MBD5: variants seen among roughly 807,000 people sequenced by gnomAD.
MBD5 encodes the protein methyl-CpG binding domain protein 5.
Under a neutral mutation model 117.3 loss-of-function variants are expected in MBD5, and 13 were observed. That is an observed-to-expected ratio of 0.11 (90% CI 0.07 to 0.18). MBD5 has a LOEUF of 0.18. Among genes scored for constraint, MBD5 ranks in the 10% least tolerant of loss-of-function variants. The pLI, the probability that MBD5 is intolerant of heterozygous loss-of-function variation, is 1.00. For missense variants in MBD5, 1,879 were observed against 2,093.8 expected, an observed-to-expected ratio of 0.90 and a Z score of 2.00; for synonymous variants, 727 against 766.4, an observed-to-expected ratio of 0.95 and a Z score of 0.85.
chr2:148,328,131 G>T (rs10175369), intron 3 of MBD5, among the ~76,000 whole-genome samples: 41,032 of 151,446 alleles, frequency 0.27, 5,619 homozygotes, highest in African/African-American at 0.31. Flanking sequence ...CTGCTGGGGG[G>T]TGCCTCCTAG....
intron 1 of MBD5, among the ~76,000 whole-genome samples, chr2:148,053,311 T>A (rs1694771217): frequency 6.6e-6 from 1 of 152,170 alleles, no homozygotes; most frequent in African/African-American, 2.4e-5. Context: ...TAGCACTGTT[T>A]TTACAAAATA....
At chr2:148,337,483 T>C (rs889287592) in intron 3 of MBD5, among the ~76,000 whole-genome samples, 1 of 152,190 alleles carries the variant, frequency 6.6e-6, no homozygotes, top group African/African-American at 2.4e-5. Context: ...TAGAACAGTA[T>C]GCATAACCTG....
At chr2:148,205,918 A>T (rs1028874405) in intron 2 of MBD5, among the ~76,000 whole-genome samples, 6 of 152,064 alleles carry the variant, frequency 3.9e-5, no homozygotes, top group Non-Finnish European at 7.4e-5. Flanking sequence ...AGGTGGGAGG[A>T]TCACTTGAGC....
At chr2:148,365,499 T>G (rs1055659085) in intron 4 of MBD5, among the ~76,000 whole-genome samples, 1 of 151,790 alleles carries the variant, frequency 6.6e-6, no homozygotes, top group East Asian at 1.9e-4. Flanking sequence ...AGAGCAGAAC[T>G]GAAGGAGATG....
chr2:148,030,627 A>G (rs1474305572), intron 1 of MBD5, among the ~76,000 whole-genome samples: 1 of 152,230 alleles, frequency 6.6e-6, no homozygotes, highest in Non-Finnish European at 1.5e-5. Flanking sequence ...GTATACGGAA[A>G]GTATATATGT....
chr2:148,454,084 G>A (rs934457063), intron 4 of MBD5, among the ~76,000 whole-genome samples: 1 of 151,866 alleles, frequency 6.6e-6, no homozygotes, highest in African/African-American at 2.4e-5. Flanking sequence ...AATAAGTAAA[G>A]AAATTATATA....
At chr2:148,048,258 C>T (rs909224152) in intron 1 of MBD5, among the ~76,000 whole-genome samples, 1 of 152,116 alleles carries the variant, frequency 6.6e-6, no homozygotes, top group Non-Finnish European at 1.5e-5. Flanking sequence ...CTCAGTAGGA[C>T]TCGAGAAATG....
At chr2:148,062,238 T>C (rs1331052958) in intron 1 of MBD5, 2 of 151,764 alleles carry the variant, frequency 1.3e-5, no homozygotes, top group African/African-American at 4.8e-5. Context: ...GCTTTTTTTT[T>C]CTGTCAGAGG....
chr2:148,291,827 T>G (rs1029997572), intron 3 of MBD5, among the ~76,000 whole-genome samples: 2 of 152,136 alleles, frequency 1.3e-5, no homozygotes, highest in Non-Finnish European at 2.9e-5. Context: ...ACTACAGAGT[T>G]GTACTAACTG....
At chr2:148,165,905 C>A (rs1343451654) in intron 1 of MBD5, among the ~76,000 whole-genome samples, 3 of 152,068 alleles carry the variant, frequency 2.0e-5, no homozygotes, top group Non-Finnish European at 2.9e-5. Flanking sequence ...TTGGTTTAAA[C>A]ATTTGAATAG....
chr2:148,475,961 A>G (rs542645994), intron 8 of MBD5, among the ~76,000 whole-genome samples: 3 of 152,304 alleles, frequency 2.0e-5, no homozygotes, highest in African/African-American at 7.2e-5. Context: ...ATTATTTCTA[A>G]GCCTTATACT....
chr2:148,151,901 T>G (rs1157002949), intron 1 of MBD5, among the ~76,000 whole-genome samples: 1 of 152,150 alleles, frequency 6.6e-6, no homozygotes, highest in Non-Finnish European at 1.5e-5. Flanking sequence ...AGCTCCTGGA[T>G]TCATTAATTT....
At chr2:148,459,266 T>C (rs1706985299) in intron 5 of MBD5, among the ~76,000 whole-genome samples, 1 of 152,116 alleles carries the variant, frequency 6.6e-6, no homozygotes, top group African/African-American at 2.4e-5. Flanking sequence ...CATAGAAAGT[T>C]TCAATTATTA....
intron 1 of MBD5, among the ~76,000 whole-genome samples, chr2:148,163,091 T>C (rs1698046509): frequency 6.6e-6 from 1 of 152,242 alleles, no homozygotes; most frequent in African/African-American, 2.4e-5. Flanking sequence ...GATAATTCAG[T>C]ATACTTTTCT....
intron 12 of MBD5, among the ~76,000 whole-genome samples, chr2:148,506,540 A>T (rs1682038442): frequency 6.6e-6 from 1 of 152,250 alleles, no homozygotes; most frequent in Non-Finnish European, 1.5e-5. Flanking sequence ...TACATACTGT[A>T]TGAAGTGAGT....
At chr2:148,279,669 A>G (rs1701195672) in intron 3 of MBD5, among the ~76,000 whole-genome samples, 1 of 152,170 alleles carries the variant, frequency 6.6e-6, no homozygotes, top group South Asian at 2.1e-4. Flanking sequence ...TTAGCTCTAG[A>G]TGTATCTCAT....
chr2:148,102,899 AT>A (rs901554825), intron 1 of MBD5, among the ~76,000 whole-genome samples: 1 of 151,208 alleles, frequency 6.6e-6, no homozygotes, highest in Admixed American at 6.6e-5. Context: ...TTTGTGGGGA[AT>A]TTTTTTTTAG....
At chr2:148,293,033 A>G (rs773098911) in intron 3 of MBD5, among the ~76,000 whole-genome samples, 23 of 151,954 alleles carry the variant, frequency 1.5e-4, no homozygotes, top group South Asian at 1.0e-3. Context: ...ACAATTGGCC[A>G]GGTGAAGTGT....
intron 1 of MBD5, among the ~76,000 whole-genome samples, chr2:148,107,083 G>A (rs930420536): frequency 6.6e-6 from 1 of 151,938 alleles, no homozygotes; most frequent in Non-Finnish European, 1.5e-5. Context: ...AATATCCTGT[G>A]AGGATATTAG....
Sources: gnomAD v4.1 joint callset for allele counts (sites outside exome capture counted in the v4.1 genomes callset) on GRCh38, gnomAD v4.1.1 for gene constraint, MANE v1.5 for transcripts, NCBI Gene and HGNC (gene_info 2026-07-23, HGNC 2026-07-21) for gene names.